The following RNF216 variants were observed in gnomAD, a reference collection of about 807,000 sequenced individuals.
The protein encoded by RNF216 is ring finger protein 216.
Under a neutral mutation model 110.8 loss-of-function variants are expected in RNF216, and 72 were observed. The ratio of observed to expected loss-of-function variants is 0.65; its 90% CI spans 0.54 to 0.79. The LOEUF (loss-of-function observed/expected upper bound fraction) is 0.79, where lower values mean the gene tolerates loss of function less well. Among genes scored for constraint, RNF216 ranks in the 30% least tolerant of loss-of-function variants. RNF216 has a pLI of 0.00. For synonymous variants in RNF216, 495 were observed against 407.5 expected (o/e 1.21, Z -2.59); for missense variants, 1,342 against 1,141.2 (o/e 1.18, Z -2.54).
intron 15 of RNF216, among the ~76,000 whole-genome samples, chr7:5,637,820 C>A (rs921716555): frequency 1.3e-5 from 2 of 152,224 alleles, no homozygotes; most frequent in Non-Finnish European, 2.9e-5. Flanking sequence ...GGATTACAGG[C>A]ATGAGCCACT....
chr7:5,641,730 G>A (rs2128567773), intron 14 of RNF216, among the ~76,000 whole-genome samples: 1 of 152,230 alleles, frequency 6.6e-6, no homozygotes, highest in East Asian at 1.9e-4. Context: ...AGGAATCCCT[G>A]TAGGCTTAAA....
At chr7:5,781,297 G>A (rs1185254963) in intron 1 of RNF216, among the ~76,000 whole-genome samples, 3 of 152,118 alleles carry the variant, frequency 2.0e-5, no homozygotes, top group African/African-American at 4.8e-5. Flanking sequence ...GGCGAGAGGG[G>A]GCCACCCGGC....
intron 13 of RNF216, among the ~76,000 whole-genome samples, chr7:5,664,021 G>C (rs753196591): frequency 1.3e-5 from 2 of 152,140 alleles, no homozygotes; most frequent in African/African-American, 2.4e-5. Flanking sequence ...GGAGGGGCTC[G>C]TAATCAACCA....
chr7:5,768,675 T>TG (rs1436550735), intron 1 of RNF216, among the ~76,000 whole-genome samples: 1 of 151,234 alleles, frequency 6.6e-6, no homozygotes, highest in Non-Finnish European at 1.5e-5. Flanking sequence ...GTTTTTTTTT[T>TG]TTTTGGGACA....
chr7:5,624,142 G>C lies in RNF216; in HGVS notation c.2383-17C>G. On this transcript the variant is annotated splice_polypyrimidine_tract_variant and intron_variant, in intron 15 of 16. Transcript: ENST00000389902. The surrounding 1 kb of genome is among the most constrained non-coding windows in gnomAD (Gnocchi z 4.4). ...ATCATCTTCCTAAAACGCAAGCAAT[G>C]AGAAGGATGAACCTGTAGCTTCATG... is the stretch of plus-strand genomic sequence containing the variant. The C allele has an allele frequency of 6.2e-7, 1 of 1,609,296 alleles. No individual in the cohort carries two copies. The highest frequency in any genetic ancestry group is 1.3e-5 in the African/African-American group (1 of 74,990).
chr7:5,781,226 T>C (rs1442773317), intron 1 of RNF216, among the ~76,000 whole-genome samples: 2 of 152,018 alleles, frequency 1.3e-5, no homozygotes, highest in Non-Finnish European at 2.9e-5. Flanking sequence ...AAGCGCGGTC[T>C]CCCGGGCTGT....
intron 3 of RNF216, among the ~76,000 whole-genome samples, chr7:5,750,926 C>T (rs1315680555): frequency 3.1e-4 from 2 of 6,394 alleles, no homozygotes; most frequent in African/African-American, 8.8e-4. Flanking sequence ...CAGTTGATGG[C>T]GCTTCTTGCT....
chr7:5,733,400 G>C (rs1163733245), intron 5 of RNF216, among the ~76,000 whole-genome samples: 1 of 152,068 alleles, frequency 6.6e-6, no homozygotes, highest in East Asian at 1.9e-4. Context: ...TGTAAGAGAA[G>C]GTATCAATTT....
At chr7:5,755,229 GGGAAGGATGAAA>G (rs1331111129) in intron 2 of RNF216, among the ~76,000 whole-genome samples, 1 of 87,108 alleles carries the variant, frequency 1.1e-5, no homozygotes, top group Non-Finnish European at 2.4e-5. Context: ...AAGGAAGGGA[GGGAAGGATGAAA>G]GGAAGGAAGG....
intron 13 of RNF216, among the ~76,000 whole-genome samples, chr7:5,661,997 C>A (rs865809171): frequency 1.3e-5 from 2 of 152,142 alleles, no homozygotes; most frequent in Admixed American, 6.6e-5. Context: ...CCCAAGGGCA[C>A]GTGGCTATGA....
intron 13 of RNF216, among the ~76,000 whole-genome samples, chr7:5,663,507 C>A (rs1262275759): frequency 6.8e-6 from 1 of 147,622 alleles, no homozygotes; most frequent in Admixed American, 6.8e-5. Flanking sequence ...TGGCCTGAAC[C>A]CGGGAGGCGG....
intron 7 of RNF216, among the ~76,000 whole-genome samples, chr7:5,726,459 C>T (rs188974909): frequency 6.6e-6 from 1 of 152,290 alleles, no homozygotes; most frequent in African/African-American, 2.4e-5. Context: ...TCCACCCCAC[C>T]CTGTAACAGG....
intron 13 of RNF216, among the ~76,000 whole-genome samples, chr7:5,687,121 T>C (rs905882704): frequency 6.6e-6 from 1 of 152,018 alleles, no homozygotes; most frequent in Non-Finnish European, 1.5e-5. Context: ...GAAGACCAGG[T>C]ACGGTGGCTC....
In RNF216 at chr7:5,722,369, GTTTT is replaced by G. The variant is rs36102190; in HGVS notation, c.1505-1201_1505-1198del. 2.8e-5 allele frequency among the ~76,000 whole-genome samples: 4 copies of G among 143,636 alleles called. No individual in the cohort carries two copies. In the South Asian group the frequency reaches 8.8e-4, roughly 31 times the overall value. The allele number at this position is 143,636 out of a possible 152,430, so 94.2% of individuals were successfully genotyped here. On this transcript the variant is annotated intron_variant, in intron 8 of 16. Transcript: ENST00000389902. ...CTCCTTTTCTCTTGCTCATTCTCATGTTTTTTTTTTTGTTTGTTTGTTTGTTTTG... is the reference window on the plus strand; with the variant it reads ...CTCCTTTTCTCTTGCTCATTCTCATGTTTTTTTGTTTGTTTGTTTGTTTTG...
chr7:5,626,781 G>A lies in RNF216; in HGVS notation c.2383-2656C>T, dbSNP rs555955579. ...TCGGCAGGTTCCTGAGTATCCCTGC[G>A]TCCAGGAAGCTCATCTGTAAATGGG... On this transcript the variant is annotated intron_variant, in intron 15 of 16. Coordinates refer to ENST00000389902, the MANE Select transcript of RNF216 (RefSeq NM_207111.4). 3.3e-5 allele frequency among the ~76,000 whole-genome samples: 5 copies of A among 152,250 alleles called. No homozygotes were observed. The East Asian group carries it at 7.7e-4, about 23-fold the overall frequency.
chr7:5,755,958 C>G (rs1393395416), intron 2 of RNF216, among the ~76,000 whole-genome samples: 1 of 97,890 alleles, frequency 1.0e-5, no homozygotes, highest in African/African-American at 3.0e-5. Flanking sequence ...CATGCTCATT[C>G]ATTTATATAC....
chr7:5,678,516 CGCCT>C (rs1226145109), intron 13 of RNF216, among the ~76,000 whole-genome samples: 12 of 152,178 alleles, frequency 7.9e-5, no homozygotes, highest in Non-Finnish European at 1.5e-4. Flanking sequence ...GCTCTGGGCC[CGCCT>C]GAGTAGTCCA....
intron 13 of RNF216, among the ~76,000 whole-genome samples, chr7:5,675,549 G>C (rs1562815051): frequency 6.6e-6 from 1 of 152,268 alleles, no homozygotes; most frequent in East Asian, 1.9e-4. Context: ...GGCTGAGGCA[G>C]GGGGATTGCT....
Position 5,643,506 on chromosome 7 carries a change from C to T in RNF216, c.2160-2130G>A, listed in dbSNP as rs75802369. Among the ~76,000 whole-genome samples, 158 of 152,084 alleles carry T rather than the reference C, an allele frequency of 1.0e-3. No homozygotes were observed. In the East Asian group the frequency reaches 0.028, roughly 27 times the overall value. On this transcript the variant is annotated intron_variant, in intron 14 of 16. Transcript: ENST00000389902. The stretch of plus-strand genomic sequence containing the variant: ...AGGCTCAGGGCCTCTTCTATGCAGC[C>T]AGCGACAGCCCAGACTCCTGTAGTT...
Sources: gnomAD v4.1 joint callset for allele counts (sites outside exome capture counted in the v4.1 genomes callset) on GRCh38, gnomAD v4.1.1 for gene constraint, Gnocchi (gnomAD v3.1) non-coding constraint, MANE v1.5 for transcripts, NCBI Gene and HGNC (gene_info 2026-07-23, HGNC 2026-07-21) for gene names.